MAN1B1: variants seen among roughly 807,000 people sequenced by gnomAD.
MAN1B1 encodes endoplasmic reticulum mannosyl-oligosaccharide 1,2-alpha-mannosidase.
A neutral mutation model predicts 75.5 loss-of-function variants in MAN1B1; 66 were observed. The observed-to-expected ratio is 0.87, with a 90% CI of 0.72 to 1.07. MAN1B1 has a LOEUF of 1.07. MAN1B1 is among the 50% of genes least tolerant of loss of function. MAN1B1 has a pLI of 0.00. For synonymous variants in MAN1B1, 453 were observed against 382.8 expected (o/e 1.18, Z -2.14); for missense variants, 973 against 912.5 (o/e 1.07, Z -0.85).
At chr9:137,091,155 C>T (rs1367473429) in intron 3 of MAN1B1, among the ~76,000 whole-genome samples, 1 of 152,256 alleles carries the variant, frequency 6.6e-6, no homozygotes, top group African/African-American at 2.4e-5. Context: ...ATTTTCCTGA[C>T]TGGAAAGCCG....
intron 8 of MAN1B1, 91 bp from the exon 9 acceptor site, chr9:137,106,034 C>T (rs1340496133): frequency 1.0e-6 from 1 of 1,002,684 alleles, no homozygotes; most frequent in Non-Finnish European, 1.6e-6. Context: ...GGTGCTGGGG[C>T]GAGGGGAGGC....
chr9:137,092,899 G>A (rs373348870), intron 3 of MAN1B1, among the ~76,000 whole-genome samples: 3 of 152,302 alleles, frequency 2.0e-5, no homozygotes, highest in East Asian at 1.9e-4. Context: ...GAAGCTGTCC[G>A]TGTCCTTTGA....
chr9:137,088,554 C>T (rs1351980113), intron 2 of MAN1B1: 8 of 913,086 alleles, frequency 8.8e-6, no homozygotes, highest in Non-Finnish European at 1.3e-5. Context: ...AATCTCTTCT[C>T]ACTTGGTCTA....
chr9:137,089,191 A>G, intron 3 of MAN1B1, 186 bp downstream of exon 3: 2 of 747,926 alleles, frequency 2.7e-6, no homozygotes, highest in South Asian at 1.6e-5. Flanking sequence ...ATTCTTTTTG[A>G]AGACCAGCCA....
intron 3 of MAN1B1, chr9:137,089,438 G>T (rs1830463780): frequency 3.6e-6 from 1 of 276,664 alleles, no homozygotes; most frequent in Middle Eastern, 1.3e-3. Flanking sequence ...TGAGGGCTGA[G>T]AAGCTGCTGG....
intron 3 of MAN1B1, chr9:137,089,232 C>T: frequency 1.7e-6 from 1 of 604,836 alleles, no homozygotes; most frequent in East Asian, 3.0e-5. Context: ...TCTGACTGTG[C>T]AGTGTTGAAT....
In MAN1B1 at chr9:137,099,849, T is replaced by C. The variant is rs2131012587; in HGVS notation, c.884T>C (p.Leu295Pro). The C allele has an allele frequency of 6.2e-7, 1 of 1,614,226 alleles. No individual in the cohort carries two copies. The highest frequency in any genetic ancestry group is 8.5e-7 in the Non-Finnish European group (1 of 1,180,042). The change falls in exon 6 of 13, where the codon CTG (leucine) becomes CCG (proline). Residue 295 changes from leucine to proline, a missense_variant. Transcript: ENST00000371589. ...CTCGGTCTCACACTGATCGACGCGC[T>C]GGACACCATGTGGATCTTGGGTCTG... ...FGLGLTLIDA[L>P]DTMWILGLRK...
chr9:137,091,521 A>ATTTT lies in MAN1B1; in HGVS notation c.465+2536_465+2539dup, dbSNP rs964752016. On this transcript the variant is annotated intron_variant, in intron 3 of 12. Transcript: ENST00000371589. ...TTGAGTTCAAATTTTTTTGTTTTATATTTTTTTTTTTTTTTTTTTTTTTGA... is the reference window on the plus strand; with the variant it reads ...TTGAGTTCAAATTTTTTTGTTTTATATTTTTTTTTTTTTTTTTTTTTTTTTTTGA... 1.4e-3 allele frequency among the ~76,000 whole-genome samples: 122 copies of ATTTT among 89,908 alleles called. 1 individual carries two copies. Among genetic ancestry groups the ATTTT allele is most frequent in the South Asian group, 3.3e-3 (7 of 2,144 alleles). The allele number at this position is 89,908 out of a possible 152,430, so 59.0% of individuals were successfully genotyped here. A position where few individuals can be genotyped will look rare whatever the true frequency, so the allele number is the denominator to read the frequency against.
In MAN1B1 at chr9:137,106,185, G is replaced by T. The variant is rs766199089; in HGVS notation, c.1315G>T (p.Val439Leu). The change falls in exon 9 of 13, where the codon GTG becomes TTG. Residue 439 changes from valine to leucine, a missense_variant. Coordinates refer to ENST00000371589, the MANE Select transcript of MAN1B1 (RefSeq NM_016219.5). ...CCTGTCTGGGAAGAAGGATGGGCTG[G>T]TGCCCATGTTCATCAATACCCACAG... ...HGLSGKKDGL[V>L]PMFINTHSGL... The T allele has an allele frequency of 6.2e-6, 10 of 1,612,484 alleles. No individual in the cohort carries two copies. The highest frequency in any genetic ancestry group is 1.3e-5 in the African/African-American group (1 of 74,926).
chr9:137,098,809 C>T (rs1490133917), intron 5 of MAN1B1, among the ~76,000 whole-genome samples: 2 of 151,782 alleles, frequency 1.3e-5, no homozygotes, highest in Non-Finnish European at 1.5e-5. Flanking sequence ...AGTTCAAGAC[C>T]AGCCTGGACA....
rs746937336 is a variant in MAN1B1 at position 137,101,666 on chromosome 9, G to A, written c.1248G>A (p.Lys416=). ...RELSRLTGDK[K]FQEAVEKVTQ... is the part of the protein sequence containing the mutation. Reference sequence around the variant, plus strand: ...TCTCCCGTCTCACAGGGGATAAGAAGTTTCAGGTAAGGGGGCAGGCTTTCT... The same window carrying A: ...TCTCCCGTCTCACAGGGGATAAGAAATTTCAGGTAAGGGGGCAGGCTTTCT... The change falls in exon 8 of 13, where the codon AAG becomes AAA. Residue 416 remains lysine (K), a synonymous_variant. Coordinates refer to ENST00000371589, the MANE Select transcript of MAN1B1 (RefSeq NM_016219.5). The A allele has an allele frequency of 3.1e-6, 5 of 1,612,132 alleles. No homozygotes were observed. The highest frequency in any genetic ancestry group is 2.2e-5 in the East Asian group (1 of 44,886).
intron 2 of MAN1B1, chr9:137,088,406 C>T (rs1830435289): frequency 1.3e-6 from 2 of 1,574,658 alleles, no homozygotes; most frequent in Non-Finnish European, 8.6e-7. Flanking sequence ...GGTGTAAGTA[C>T]TGATATGTCC....
rs537154459 is a variant in MAN1B1 at position 137,101,378 on chromosome 9, G to T, written c.1066-106G>T. 8.3e-6 allele frequency: 10 copies of T among 1,208,530 alleles called. No homozygotes were observed. In the South Asian group the frequency reaches 8.6e-5, roughly 10 times the overall value. 74.9% of individuals were successfully genotyped at this position (1,208,530 alleles called of 1,614,324 possible). On this transcript the variant is annotated intron_variant, in intron 7 of 12. Coordinates refer to ENST00000371589, the MANE Select transcript of MAN1B1 (RefSeq NM_016219.5). ...GTGATGCCCGTTTCCTTGCTGCTGT[G>T]TTGACCCCAGAGAGCCTTCAGTGTC... is the stretch of plus-strand genomic sequence containing the variant.
In MAN1B1 at chr9:137,087,650, C is replaced by T. The variant is rs533787973; in HGVS notation, c.220-425C>T. 131 of 410,214 alleles carry T rather than the reference C, an allele frequency of 3.2e-4. 2 individuals are homozygous for T. Among genetic ancestry groups the T allele is most frequent in the African/African-American group, 2.4e-3 (117 of 48,838 alleles). The allele number at this position is 410,214 out of a possible 1,614,324, so 25.4% of individuals were successfully genotyped here. ...GCCGAAGGGCATTGATAACCACATG[C>T]GGACTGTGCATCGCCTGGGCGGTGC... On this transcript the variant is annotated intron_variant, in intron 1 of 12. Coordinates refer to ENST00000371589, the MANE Select transcript of MAN1B1 (RefSeq NM_016219.5).
chr9:137,099,233 C>A (rs1382313538), intron 5 of MAN1B1, among the ~76,000 whole-genome samples: 2 of 152,274 alleles, frequency 1.3e-5, no homozygotes, highest in African/African-American at 2.4e-5. Flanking sequence ...GTGTTTGAGT[C>A]GAGGATGTTC....
Position 137,096,105 on chromosome 9 carries a change from C to T in MAN1B1, c.466-132C>T, listed in dbSNP as rs149089225. 5.6e-4 allele frequency: 543 copies of T among 964,946 alleles called. 3 individuals carry two copies. The African/African-American group carries it at 7.5e-3, about 13-fold the overall frequency. 59.8% of individuals were successfully genotyped at this position (964,946 alleles called of 1,614,324 possible). A position where few individuals can be genotyped will look rare whatever the true frequency, so the allele number is the denominator to read the frequency against. On this transcript the variant is annotated intron_variant, in intron 3 of 12. Coordinates refer to ENST00000371589, the MANE Select transcript of MAN1B1 (RefSeq NM_016219.5). Reference sequence around the variant, plus strand: ...TGAAGCTGCCTGTCGTATTGAAAAACGAAAGTAATTTAGTCAGAGGTCAGA... The same window carrying T: ...TGAAGCTGCCTGTCGTATTGAAAAATGAAAGTAATTTAGTCAGAGGTCAGA...
At chr9:137,104,134 A>G in intron 8 of MAN1B1, 2 of 450,676 alleles carry the variant, frequency 4.4e-6, no homozygotes, top group Non-Finnish European at 9.0e-6. Flanking sequence ...GTGACCCTTC[A>G]TGTCCCTCCC....
chr9:137,103,678 G>C, intron 8 of MAN1B1: 1 of 435,330 alleles, frequency 2.3e-6, no homozygotes, highest in South Asian at 1.6e-5. Context: ...GCAGGTCGGT[G>C]GTGTTACACA....
intron 3 of MAN1B1, among the ~76,000 whole-genome samples, chr9:137,092,466 C>T (rs1174412568): frequency 1.3e-5 from 2 of 149,656 alleles, no homozygotes; most frequent in Admixed American, 1.3e-4. Context: ...GGATTGGTCC[C>T]TGTTTCTTTT....
Sources: gnomAD v4.1 joint callset for allele counts (sites outside exome capture counted in the v4.1 genomes callset) on GRCh38, gnomAD v4.1.1 for gene constraint, MANE v1.5 for transcripts, NCBI Gene and HGNC (gene_info 2026-07-23, HGNC 2026-07-21) for gene names.